Variants in TAFA1 observed in about 807,000 individuals in gnomAD.
TAFA1 encodes chemokine-like protein TAFA-1.
A neutral mutation model predicts 18.5 loss-of-function variants in TAFA1; 4 were observed. The observed-to-expected ratio is 0.22, with a 90% CI of 0.11 to 0.49. The LOEUF is 0.49. Ranked by LOEUF, TAFA1 falls within the 20% of genes least tolerant of loss-of-function variation. The pLI is 0.98. For missense variants in TAFA1, 147 were observed against 169.0 expected (o/e 0.87, Z 0.72); for synonymous variants, 56 against 55.2 (o/e 1.01, Z -0.06).
chr3:68,338,842 G>A (rs1491748), intron 2 of TAFA1, among the ~76,000 whole-genome samples: 51,910 of 152,050 alleles, frequency 0.34, 9,526 homozygotes, highest in South Asian at 0.51. Context: ...GTTTGCTTAT[G>A]GGTTGGTGAG....
chr3:68,308,382 A>G (rs768325248), intron 2 of TAFA1, among the ~76,000 whole-genome samples: 1 of 152,102 alleles, frequency 6.6e-6, no homozygotes, highest in African/African-American at 2.4e-5. Flanking sequence ...TGCTACTACT[A>G]TTTCTTCCCT....
chr3:68,055,560 T>G (rs2064525844), intron 2 of TAFA1, among the ~76,000 whole-genome samples: 1 of 152,064 alleles, frequency 6.6e-6, no homozygotes, highest in South Asian at 2.1e-4. Context: ...CAAGCCATAT[T>G]AGAACGTGGG....
At chr3:68,081,319 A>G (rs890498465) in intron 2 of TAFA1, among the ~76,000 whole-genome samples, 2 of 152,254 alleles carry the variant, frequency 1.3e-5, no homozygotes, top group Middle Eastern at 6.8e-3. Context: ...AGCTCGTCAA[A>G]GTCATTCTCC....
the TAFA1 span, among the ~76,000 whole-genome samples, chr3:67,993,165 T>C: frequency 3.3e-5 from 5 of 152,230 alleles, no homozygotes; most frequent in Non-Finnish European, 5.9e-5. Flanking sequence ...AAATATATAT[T>C]GGGTAGTAGG....
chr3:68,213,021 A>T (rs920052769), intron 2 of TAFA1, among the ~76,000 whole-genome samples: 13 of 145,722 alleles, frequency 8.9e-5, no homozygotes, highest in Non-Finnish European at 1.8e-4. Flanking sequence ...AAATGGTGGT[A>T]TTTTTTTTTT....
At chr3:68,168,395 A>T (rs1007421909) in intron 2 of TAFA1, among the ~76,000 whole-genome samples, 3 of 152,260 alleles carry the variant, frequency 2.0e-5, no homozygotes, top group African/African-American at 7.2e-5. Context: ...TAGTAACCAC[A>T]CGTTAATTCT....
rs547521619 is a variant in TAFA1 at position 68,258,424 on chromosome 3, T to A, written c.119-158856T>A. On this transcript the variant is annotated intron_variant, in intron 2 of 4. Coordinates refer to ENST00000478136, the MANE Select transcript of TAFA1 (RefSeq NM_213609.4). ...GAGCATGGCATGTTGTTGACCGTAT[T>A]GAGAATTACTAACTATGCTCCCTTT... Among the ~76,000 whole-genome samples the A allele has an allele frequency of 2.0e-5, 3 of 152,320 alleles. No individual in the cohort carries two copies. The East Asian group carries it at 5.8e-4, about 29-fold the overall frequency.
intron 2 of TAFA1, among the ~76,000 whole-genome samples, chr3:68,022,768 GA>G (rs560102295): frequency 1.7e-3 from 239 of 142,662 alleles, no homozygotes; most frequent in African/African-American, 5.9e-3. Context: ...AGCTGGCTTT[GA>G]AAAAAAATAG....
chr3:68,521,892 C>T (rs533775145), intron 3 of TAFA1, among the ~76,000 whole-genome samples: 187 of 95,582 alleles, frequency 2.0e-3, no homozygotes, highest in African/African-American at 7.4e-3. Flanking sequence ...TAGGGTCTCA[C>T]TCTGTTACGT....
chr3:68,123,878 CAAAAAAAAAAAAAAAA>C lies in TAFA1; in HGVS notation c.118+117160_118+117175del, dbSNP rs758966848. On this transcript the variant is annotated intron_variant, in intron 2 of 4. Transcript: ENST00000478136. ...TGACAAAGAACAACACTTTTTTTTC[CAAAAAAAAAAAAAAAA>C]AAAAAAAAAAAAAAAAAAAAAAAAA... Among the ~76,000 whole-genome samples the C allele has an allele frequency of 1.2e-3, 84 of 72,144 alleles. 4 individuals are homozygous for C. Among genetic ancestry groups the C allele is most frequent in the Non-Finnish European group, 1.6e-3 (68 of 41,908 alleles). The allele number at this position is 72,144 out of a possible 152,430, so 47.3% of individuals were successfully genotyped here.
chr3:68,138,160 A>C (rs2065629910), intron 2 of TAFA1, among the ~76,000 whole-genome samples: 1 of 152,206 alleles, frequency 6.6e-6, no homozygotes, highest in South Asian at 2.1e-4. Flanking sequence ...TTTGCTGCTC[A>C]GTGAATATCC....
intron 3 of TAFA1, among the ~76,000 whole-genome samples, chr3:68,441,340 G>A (rs1420251370): frequency 6.6e-6 from 1 of 152,156 alleles, no homozygotes; most frequent in African/African-American, 2.4e-5. Context: ...TAGTGACACT[G>A]TGTGGAGCCT....
intron 2 of TAFA1, among the ~76,000 whole-genome samples, chr3:68,339,689 T>C (rs1226419257): frequency 6.6e-6 from 1 of 152,202 alleles, no homozygotes; most frequent in East Asian, 1.9e-4. Flanking sequence ...GCCACTTTTG[T>C]CCTTAATGTA....
At chr3:68,109,772 CAA>C in intron 2 of TAFA1, among the ~76,000 whole-genome samples, 1 of 152,064 alleles carries the variant, frequency 6.6e-6, no homozygotes, top group Non-Finnish European at 1.5e-5. Context: ...ATTCATAGAA[CAA>C]AAGTTATTTC....
At chr3:68,110,874 A>G (rs1025375825) in intron 2 of TAFA1, among the ~76,000 whole-genome samples, 8 of 152,252 alleles carry the variant, frequency 5.3e-5, no homozygotes, top group African/African-American at 1.9e-4. Flanking sequence ...GTTCTATTAT[A>G]AACCCTTTCT....
intron 2 of TAFA1, among the ~76,000 whole-genome samples, chr3:68,046,887 T>C (rs1283569803): frequency 1.3e-5 from 2 of 152,192 alleles, no homozygotes; most frequent in Admixed American, 6.6e-5. Flanking sequence ...ATGATATTAG[T>C]TTATCCTGGC....
At chr3:68,095,128 T>A (rs1012617828) in intron 2 of TAFA1, among the ~76,000 whole-genome samples, 1 of 152,104 alleles carries the variant, frequency 6.6e-6, no homozygotes, top group Non-Finnish European at 1.5e-5. Flanking sequence ...ATTGGCTGTT[T>A]TCCAAAGTGG....
intron 3 of TAFA1, among the ~76,000 whole-genome samples, chr3:68,454,581 C>A (rs1559676520): frequency 1.3e-5 from 2 of 152,176 alleles, no homozygotes; most frequent in Non-Finnish European, 2.9e-5. Flanking sequence ...GCCATTTGGA[C>A]ACTATGTAAG....
rs1704326437 is a variant in TAFA1, at chr3:68,004,578, A to G, written c.-128A>G. ...ACATTTTTTTTTTTTTAATCCTGAT[A>G]AAGAAGATTGTTGGGAAGCTCTTTG... On this transcript the variant is annotated 5_prime_UTR_variant, in exon 1 of 5. It adds an upstream start codon to the 5' untranslated region. Transcript: ENST00000478136. 6.6e-6 allele frequency: 1 copy of G among 151,310 alleles called. No homozygotes were observed. The highest frequency in any genetic ancestry group is 6.6e-5 in the Admixed American group (1 of 15,192). The allele number at this position is 151,310 out of a possible 1,614,324, so 9.4% of individuals were successfully genotyped here.
Sources: gnomAD v4.1 joint callset for allele counts (sites outside exome capture counted in the v4.1 genomes callset) on GRCh38, gnomAD v4.1.1 for gene constraint, MANE v1.5 for transcripts, NCBI Gene and HGNC (gene_info 2026-07-23, HGNC 2026-07-21) for gene names.